FCHSD2: variants seen among roughly 807,000 people sequenced by gnomAD.
The protein encoded by FCHSD2 is F-BAR and double SH3 domains protein 2.
In FCHSD2, 38 loss-of-function variants were observed where a neutral mutation model predicts 108.1. The ratio of observed to expected loss-of-function variants is 0.35; its 90% confidence interval spans 0.27 to 0.46. The LOEUF (loss-of-function observed/expected upper bound fraction) is 0.46. Among genes scored for constraint, FCHSD2 ranks in the 20% least tolerant of loss-of-function variants. The pLI, the probability that FCHSD2 is intolerant of heterozygous loss-of-function variation, is 1.00. For synonymous variants in FCHSD2, 279 were observed against 314.7 expected (o/e 0.89, Z 1.20); for missense variants, 751 against 897.8 (o/e 0.84, Z 2.09).
chr11:73,014,800 G>A (rs184170588), intron 4 of FCHSD2, among the ~76,000 whole-genome samples: 15 of 152,108 alleles, frequency 9.9e-5, no homozygotes, highest in African/African-American at 2.9e-4. Context: ...ACTCCTGAGC[G>A]TAAAAGATAA....
In FCHSD2 at chr11:72,995,582, T is replaced by C. The variant is rs1019951655; in HGVS notation, c.387+5408A>G. ...AGCCAGGTGTGGTGGCAAGCACCTG[T>C]AGTCCCAACTACTTGGGAGGCTGGG... On this transcript the variant is annotated intron_variant, in intron 5 of 19. Coordinates refer to ENST00000409418, the MANE Select transcript of FCHSD2 (RefSeq NM_014824.3). Among the ~76,000 whole-genome samples the C allele has an allele frequency of 2.6e-5, 4 of 151,868 alleles. No individual in the cohort carries two copies. The East Asian group carries it at 5.8e-4, about 22-fold the overall frequency.
At chr11:73,139,356 T>C (rs1441580178) in intron 2 of FCHSD2, among the ~76,000 whole-genome samples, 2 of 152,236 alleles carry the variant, frequency 1.3e-5, no homozygotes, top group Admixed American at 1.3e-4. Context: ...CTTCCATTCT[T>C]GACGAAAATC....
intron 8 of FCHSD2, among the ~76,000 whole-genome samples, chr11:72,933,588 T>C (rs569847493): frequency 1.3e-5 from 2 of 152,336 alleles, no homozygotes; most frequent in South Asian, 2.1e-4. Flanking sequence ...CCAACTTATA[T>C]TAGCCATATC....
At chr11:72,976,883 T>C (rs1857114064) in intron 8 of FCHSD2, among the ~76,000 whole-genome samples, 1 of 151,248 alleles carries the variant, frequency 6.6e-6, no homozygotes, top group South Asian at 2.1e-4. Context: ...AAAAATCAAA[T>C]CAGAATGAAT....
At chr11:72,890,814 G>A (rs1855298496) in intron 10 of FCHSD2, among the ~76,000 whole-genome samples, 1 of 151,800 alleles carries the variant, frequency 6.6e-6, no homozygotes, top group Non-Finnish European at 1.5e-5. Flanking sequence ...CAGAATCAGA[G>A]CTATTAAACA....
intron 13 of FCHSD2, among the ~76,000 whole-genome samples, chr11:72,851,569 T>C (rs1794860863): frequency 6.6e-6 from 1 of 151,908 alleles, no homozygotes; most frequent in South Asian, 2.1e-4. Context: ...TGAAACCCCA[T>C]CTCTATTAAC....
rs1591325329 is a variant in FCHSD2, at chr11:72,838,838, G to A, written c.2176C>T (p.Arg726Ter). Reference sequence around the variant, plus strand: ...TCTTCAATCTTCTCTGCTGGCCTTCGGTGATTCTGTGTAGGTGGAGGGGGA... The same window carrying A: ...TCTTCAATCTTCTCTGCTGGCCTTCAGTGATTCTGTGTAGGTGGAGGGGGA... ...AAPPPPTQNH[R>*]RPAEKIEDVE... Residue 726 changes from arginine to a stop codon, truncating the protein, a stop_gained, in exon 20 of 20, where the codon CGA becomes TGA. Coordinates refer to ENST00000409418, the MANE Select transcript of FCHSD2 (RefSeq NM_014824.3). LOFTEE classifies it high-confidence loss of function. The A allele has an allele frequency of 3.1e-6, 5 of 1,608,382 alleles. No individual in the cohort carries two copies. Among genetic ancestry groups the A allele is most frequent in the African/African-American group, 1.3e-5 (1 of 74,966 alleles).
chr11:72,867,542 C>T (rs757141711), intron 13 of FCHSD2, among the ~76,000 whole-genome samples: 8 of 152,192 alleles, frequency 5.3e-5, no homozygotes, highest in Middle Eastern at 3.4e-3. Flanking sequence ...ACTTCAGAGA[C>T]ACTAGATTGT....
chr11:73,084,708 C>T (rs907356984), intron 2 of FCHSD2, among the ~76,000 whole-genome samples: 1 of 152,182 alleles, frequency 6.6e-6, no homozygotes, highest in Non-Finnish European at 1.5e-5. Context: ...CATCCTTCAC[C>T]TGTATTAACA....
At chr11:72,898,504 C>T (rs1855464130) in intron 10 of FCHSD2, among the ~76,000 whole-genome samples, 1 of 152,192 alleles carries the variant, frequency 6.6e-6, no homozygotes, top group Admixed American at 6.5e-5. Flanking sequence ...AAGAACAATA[C>T]TGTCCTGCCC....
At chr11:72,963,319 C>T (rs559078359) in intron 8 of FCHSD2, among the ~76,000 whole-genome samples, 1 of 152,262 alleles carries the variant, frequency 6.6e-6, no homozygotes, top group South Asian at 2.1e-4. Context: ...AAGTAGTGAG[C>T]ATTTACTACG....
intron 9 of FCHSD2, among the ~76,000 whole-genome samples, chr11:72,916,968 C>CTTTTTTTTTTTTTTTT (rs71062793): frequency 8.4e-6 from 1 of 118,774 alleles, no homozygotes; most frequent in African/African-American, 3.3e-5. Context: ...GAACTTCATT[C>CTTTTTTTTTTTTTTTT]TTTTTTTTTT....
intron 3 of FCHSD2, among the ~76,000 whole-genome samples, chr11:73,057,891 T>G (rs921282743): frequency 6.6e-6 from 1 of 151,446 alleles, no homozygotes; most frequent in Non-Finnish European, 1.5e-5. Flanking sequence ...TTTTTTTTTT[T>G]TTTTTTGAGA....
chr11:72,904,423 T>C (rs1446027414), intron 9 of FCHSD2, among the ~76,000 whole-genome samples: 1 of 152,220 alleles, frequency 6.6e-6, no homozygotes, highest in East Asian at 1.9e-4. Flanking sequence ...AAATTTCAAA[T>C]ACATATGTAA....
At chr11:73,138,764 T>A (rs551981479) in intron 2 of FCHSD2, among the ~76,000 whole-genome samples, 1 of 152,032 alleles carries the variant, frequency 6.6e-6, no homozygotes, top group Non-Finnish European at 1.5e-5. Context: ...CACGCCACCA[T>A]GCCTGGTTAA....
chr11:73,021,421 G>A (rs968054215), intron 3 of FCHSD2, among the ~76,000 whole-genome samples: 1 of 152,030 alleles, frequency 6.6e-6, no homozygotes. Flanking sequence ...CGTGGATGGC[G>A]CTGGAGGCTA....
Position 72,887,480 on chromosome 11 carries a change from C to T in FCHSD2, c.1136G>A (p.Arg379His), listed in dbSNP as rs775149903. 6.2e-6 allele frequency: 10 copies of T among 1,603,252 alleles called. No homozygotes were observed. The highest frequency in any genetic ancestry group is 2.3e-5 in the East Asian group (1 of 44,044). ...QKIDEARENIRKAEIIKLKAE... is the reference protein window; with the variant it reads ...QKIDEARENIHKAEIIKLKAE... ...TAGCTGCCACCTTACCTCTGCTTTA[C>T]GAATATTTTCTCTAGCTTCATCTAT... The change falls in exon 12 of 20, where the codon CGT becomes CAT. Residue 379 changes from arginine to histidine, a missense_variant. Physicochemically the swap from Arg to His is conservative, Grantham distance 29. Transcript: ENST00000409418.
At chr11:72,932,011 A>G (rs1856203602) in intron 8 of FCHSD2, among the ~76,000 whole-genome samples, 2 of 152,298 alleles carry the variant, frequency 1.3e-5, no homozygotes, top group South Asian at 4.1e-4. Context: ...ATTGCCTCTT[A>G]GACTGAATCA....
At chr11:73,080,876 G>A (rs926558623) in intron 3 of FCHSD2, among the ~76,000 whole-genome samples, 13 of 151,854 alleles carry the variant, frequency 8.6e-5, no homozygotes, top group Admixed American at 3.3e-4. Flanking sequence ...CCCAGGAGGC[G>A]GAAGTTGCAG....
Sources: gnomAD v4.1 joint callset for allele counts (sites outside exome capture counted in the v4.1 genomes callset) on GRCh38, gnomAD v4.1.1 for gene constraint, MANE v1.5 for transcripts, NCBI Gene and HGNC (gene_info 2026-07-23, HGNC 2026-07-21) for gene names.